KLHL41: variants seen among roughly 807,000 people sequenced by gnomAD.
KLHL41 encodes kelch like family member 41, also known as kelch-like protein 41.
In KLHL41, 31 loss-of-function variants were observed where a neutral mutation model predicts 49.2. The observed-to-expected ratio is 0.63, with a 90% confidence interval of 0.47 to 0.85. The LOEUF is 0.85. Among genes scored for constraint, KLHL41 ranks in the 40% least tolerant of loss-of-function variants. The pLI, the probability that KLHL41 is intolerant of heterozygous loss-of-function variation, is 0.00. For synonymous variants in KLHL41, 218 were observed against 258.5 expected (o/e 0.84, Z 1.50); for missense variants, 663 against 726.7 (o/e 0.91, Z 1.01).
rs141395388 is a variant in KLHL41 at position 169,510,462 on chromosome 2, A to C, written c.684A>C (p.Thr228=). ...ATTGTATCCGTTTTCGCCTTATGAC[A>C]GAAAAATATTTTAAGGATCATGTTG... ...VFDCIRFRLM[T]EKYFKDHVEK... The change falls in exon 1 of 6, where the codon ACA becomes ACC. Residue 228 remains threonine, a synonymous_variant. Coordinates refer to ENST00000284669, the MANE Select transcript of KLHL41 (RefSeq NM_006063.3). This position sits in a 1 kb window ranked among gnomAD's most constrained non-coding sequence, Gnocchi z 4.2. 1,660 of 1,613,976 alleles carry C rather than the reference A, an allele frequency of 1.0e-3. 21 individuals are homozygous for C. Among genetic ancestry groups the C allele is most frequent in the Non-Finnish European group, 1.8e-4 (215 of 1,180,008 alleles).
chr2:169,515,120 GC>G (rs998589826), intron 3 of KLHL41, among the ~76,000 whole-genome samples, 159 bp downstream of exon 3: 10 of 147,322 alleles, frequency 6.8e-5, no homozygotes. Context: ...TGCAACCGCC[GC>G]CTCCTGGGTT....
chr2:169,517,931 G>A lies in KLHL41; in HGVS notation c.1377-259G>A, dbSNP rs75389244. Among the ~76,000 whole-genome samples the A allele has an allele frequency of 6.8e-3, 1,031 of 152,130 alleles. 6 individuals carry two copies. The highest frequency in any genetic ancestry group is 0.023 in the African/African-American group (973 of 41,512). On this transcript the variant is annotated intron_variant, in intron 3 of 5. Transcript: ENST00000284669. ...AACTTCAATTGAATTTAGTAGATACGATTAAAATCAGCTGTGCCTGGGGTT... is the reference window on the plus strand; with the variant it reads ...AACTTCAATTGAATTTAGTAGATACAATTAAAATCAGCTGTGCCTGGGGTT...
At position 169,510,736 on chromosome 2, in the gene KLHL41, A is replaced by G; in HGVS notation, c.958A>G (p.Thr320Ala). ...NDTAAVAYDP[T>A]ENECYLTALA... Reference sequence around the variant, plus strand: ...CACAGCAGCAGTGGCTTATGACCCCACGGAAAATGAATGCTACCTTACTGC... The same window carrying G: ...CACAGCAGCAGTGGCTTATGACCCCGCGGAAAATGAATGCTACCTTACTGC... The change falls in exon 1 of 6, where the codon ACG becomes GCG. Residue 320 changes from threonine to alanine, a missense_variant. This residue lies in a region of KLHL41 where 528 missense variants were observed against 581.0 expected (regional missense o/e 0.91). Transcript: ENST00000284669. This position sits in a 1 kb window ranked among gnomAD's most constrained non-coding sequence, Gnocchi z 4.2. The G allele has an allele frequency of 6.2e-7, 1 of 1,614,224 alleles. No homozygotes were observed. The highest frequency in any genetic ancestry group is 1.1e-5 in the South Asian group (1 of 91,088).
At position 169,510,001 on chromosome 2, in the gene KLHL41, G is replaced by A. The variant is rs753001487; in HGVS notation, c.223G>A (p.Val75Met). 1 of 1,614,150 alleles carries A rather than the reference G, an allele frequency of 6.2e-7. No individual in the cohort carries two copies. The highest frequency in any genetic ancestry group is 1.1e-5 in the South Asian group (1 of 91,082). ...TGATGAGGCGAAAAAAAAGGAGGTA[G>A]TGCTAGACAATGTGGATCCTGCTAT... Reference protein sequence around the residue: ...EIDEAKKKEVVLDNVDPAILD... With the variant: ...EIDEAKKKEVMLDNVDPAILD... Residue 75 changes from valine (V) to methionine (M), a missense_variant, in exon 1 of 6, where the codon GTG becomes ATG. Coordinates refer to ENST00000284669, the MANE Select transcript of KLHL41 (RefSeq NM_006063.3). The surrounding 1 kb of genome is among the most constrained non-coding windows in gnomAD (Gnocchi z 4.2).
At chr2:169,523,997 C>T (rs539751984) in intron 5 of KLHL41, among the ~76,000 whole-genome samples, 85 of 151,912 alleles carry the variant, frequency 5.6e-4, no homozygotes, top group African/African-American at 2.0e-3. Context: ...TCAACATAGA[C>T]CCTCTTACTA....
chr2:169,525,283 T>G (rs558525083), intron 5 of KLHL41, among the ~76,000 whole-genome samples: 9 of 152,356 alleles, frequency 5.9e-5, no homozygotes, highest in African/African-American at 1.9e-4. Context: ...CTTCATCAAT[T>G]CAAAGGTGAA....
intron 5 of KLHL41, among the ~76,000 whole-genome samples, chr2:169,525,254 T>C (rs988945812): frequency 2.0e-5 from 3 of 152,260 alleles, no homozygotes; most frequent in African/African-American, 7.2e-5. Flanking sequence ...CTGCTTACTT[T>C]GACTCAGAGA....
In KLHL41 at chr2:169,514,645, A is replaced by G. The variant is rs758874925; in HGVS notation, c.1182A>G (p.Gly394=). Residue 394 remains glycine (G), a synonymous_variant, in exon 2 of 6, where the codon GGA becomes GGG. Transcript: ENST00000284669. ...LPSARCLFGL[G]EVDDKIYVVA... ...CAGCCAGGTGTCTCTTCGGTCTGGG[A>G]GAGGTGGATGATAAAATCTATGTAG... is the stretch of plus-strand genomic sequence containing the variant. 5 of 1,613,824 alleles carry G rather than the reference A, an allele frequency of 3.1e-6. No individual in the cohort carries two copies. The highest frequency in any genetic ancestry group is 4.2e-6 in the Non-Finnish European group (5 of 1,179,866).
rs780783546 is a variant in KLHL41 at position 169,514,896 on chromosome 2, C to T, written c.1311C>T (p.Val437=). ...WNEVKKLPIK[V]YGHNVISHKG... ...AAGTAAAAAAACTCCCTATCAAAGT[C>T]TATGGCCATAATGTGATTTCACATA... The change falls in exon 3 of 6, where the codon GTC becomes GTT. Residue 437 remains valine, a synonymous_variant. Transcript: ENST00000284669. The T allele has an allele frequency of 1.2e-6, 2 of 1,611,680 alleles. No homozygotes were observed. The highest frequency in any genetic ancestry group is 2.2e-5 in the South Asian group (2 of 90,308).
At chr2:169,523,552 C>G (rs895871663) in intron 5 of KLHL41, among the ~76,000 whole-genome samples, 14 of 152,280 alleles carry the variant, frequency 9.2e-5, no homozygotes, top group African/African-American at 3.4e-4. Context: ...GATTCTCAAA[C>G]TTTGCTGCAT....
chr2:169,519,651 CTTTTT>C (rs11384512), intron 4 of KLHL41, among the ~76,000 whole-genome samples: 1 of 138,482 alleles, frequency 7.2e-6, no homozygotes, highest in Admixed American at 7.2e-5. Flanking sequence ...TTTTCTCAAA[CTTTTT>C]TTTTTTTTTT....
intron 4 of KLHL41, among the ~76,000 whole-genome samples, chr2:169,518,733 G>T (rs951459174): frequency 1.3e-5 from 2 of 152,208 alleles, no homozygotes; most frequent in Non-Finnish European, 2.9e-5. Context: ...AGGCTGGAGT[G>T]CAGTGGCACA....
rs79580851 is a variant in KLHL41 at position 169,514,714 on chromosome 2, A to G, written c.1251A>G (p.Val417=). The G allele has an allele frequency of 2.1e-3, 3,427 of 1,614,062 alleles. 69 individuals carry two copies. In the African/African-American group the frequency reaches 0.042, roughly 20 times the overall value. Residue 417 remains valine, a synonymous_variant, in exon 2 of 6, where the codon GTA becomes GTG. Transcript: ENST00000284669. ...DLQTEASLDS[V]LCYDPVAAKW... is the part of the protein sequence containing the mutation. ...AAACAGAGGCTTCGCTGGATTCAGT[A>G]TTATGCTATGATCCTGTGTAAGTTG...
At chr2:169,520,768 GA>G (rs2105312473) in intron 4 of KLHL41, 92 bp from the exon 5 acceptor site, 1 of 1,125,396 alleles carries the variant, frequency 8.9e-7, no homozygotes. Flanking sequence ...GCCACTACTT[GA>G]ATTTTTAAAT....
chr2:169,523,166 C>G (rs1462231766), intron 5 of KLHL41, among the ~76,000 whole-genome samples: 5 of 152,182 alleles, frequency 3.3e-5, no homozygotes. Context: ...CAGTTACAGG[C>G]AGCAAAAGAA....
In KLHL41 at chr2:169,525,985, T is replaced by C; in HGVS notation, c.*289T>C. 1 of 220,094 alleles carries C rather than the reference T, an allele frequency of 4.5e-6. No homozygotes were observed. The highest frequency in any genetic ancestry group is 8.9e-6 in the Non-Finnish European group (1 of 112,640). 13.6% of individuals were successfully genotyped at this position (220,094 alleles called of 1,614,324 possible). Reference sequence around the variant, plus strand: ...AAAGAAGGCTCCTAAATTTGAGTTGTTTGCTAATCATTTCATTTGCATCAT... The same window carrying C: ...AAAGAAGGCTCCTAAATTTGAGTTGCTTGCTAATCATTTCATTTGCATCAT... On this transcript the variant is annotated 3_prime_UTR_variant, in exon 6 of 6. Coordinates refer to ENST00000284669, the MANE Select transcript of KLHL41 (RefSeq NM_006063.3).
At chr2:169,511,013 C>A in intron 1 of KLHL41, 125 bp downstream of exon 1, 1 of 785,352 alleles carries the variant, frequency 1.3e-6, no homozygotes, top group Non-Finnish European at 2.0e-6. Context: ...TATTCCAGTC[C>A]CTTGCACTTT....
rs1357410256 is a variant in KLHL41, at chr2:169,509,945, C to G, written c.167C>G (p.Pro56Arg). The G allele has an allele frequency of 6.2e-7, 1 of 1,614,136 alleles. No homozygotes were observed. Among genetic ancestry groups the G allele is most frequent in the South Asian group, 1.1e-5 (1 of 91,074 alleles). The part of the protein sequence containing the change: ...CHRLILSACS[P>R]YFREYFLSEI... ...AGATTGATTTTGTCAGCTTGTAGTC[C>G]TTACTTCCGTGAGTACTTTTTATCT... The change falls in exon 1 of 6, where the codon CCT becomes CGT. Residue 56 changes from proline (P) to arginine (R), a missense_variant. Pro to Arg is a moderately radical substitution (Grantham distance 103). This residue lies in a region of KLHL41 where 129 missense variants were observed against 122.1 expected (regional missense o/e 1.06). Transcript: ENST00000284669.
intron 1 of KLHL41, among the ~76,000 whole-genome samples, chr2:169,511,643 G>A (rs966030605): frequency 2.0e-5 from 3 of 151,998 alleles, no homozygotes; most frequent in Non-Finnish European, 2.9e-5. Context: ...AAAAAAACTT[G>A]TATATATATT....
Sources: gnomAD v4.1 joint callset for allele counts (sites outside exome capture counted in the v4.1 genomes callset) on GRCh38, gnomAD v4.1.1 for gene constraint, gnomAD v4.1.1 regional missense constraint, Gnocchi (gnomAD v3.1) non-coding constraint, MANE v1.5 for transcripts, NCBI Gene and HGNC (gene_info 2026-07-23, HGNC 2026-07-21) for gene names.